Variants in REPS2 observed in about 807,000 individuals in gnomAD.
REPS2 encodes the protein ralBP1-associated Eps domain-containing protein 2.
In REPS2, 23 loss-of-function variants were observed where a neutral mutation model predicts 53.6. The observed-to-expected ratio is 0.43, with a 90% CI of 0.31 to 0.61. The LOEUF is 0.61. Ranked by LOEUF, REPS2 falls within the 20% of genes least tolerant of loss-of-function variation. The pLI, the probability that REPS2 is intolerant of heterozygous loss-of-function variation, is 0.11. For synonymous variants in REPS2, 238 were observed against 218.6 expected (o/e 1.09, Z -0.78); for missense variants, 446 against 534.9 (o/e 0.83, Z 1.64).
At chrX:17,076,591 A>T (rs1483782549) in intron 12 of REPS2, among the ~76,000 whole-genome samples, 1 of 112,415 alleles carries the variant, frequency 8.9e-6, no homozygotes, top group Admixed American at 9.4e-5. Context: ...GTAACTTTCT[A>T]TCTGACCTTT....
At chrX:17,080,349 C>T (rs1303270490) in intron 13 of REPS2, among the ~76,000 whole-genome samples, 1 of 107,970 alleles carries the variant, frequency 9.3e-6, no homozygotes, top group Non-Finnish European at 1.9e-5. Flanking sequence ...CTTCATACCC[C>T]TCTGTTTCTC....
intron 10 of REPS2, among the ~76,000 whole-genome samples, 169 bp from the exon 11 acceptor site, chrX:17,069,771 T>A (rs1435560347): frequency 8.9e-6 from 1 of 112,086 alleles, no homozygotes; most frequent in East Asian, 2.8e-4. Flanking sequence ...GTCTTTATTG[T>A]TTTAGTAAAT....
intron 11 of REPS2, among the ~76,000 whole-genome samples, chrX:17,072,263 A>T (rs2062317517): frequency 8.9e-6 from 1 of 112,523 alleles, no homozygotes; most frequent in Non-Finnish European, 1.9e-5. Flanking sequence ...TGCAATTCTA[A>T]AGTACGTTCA....
At chrX:16,972,217 A>G (rs1330507838) in intron 1 of REPS2, among the ~76,000 whole-genome samples, 1 of 112,305 alleles carries the variant, frequency 8.9e-6, no homozygotes, top group African/African-American at 3.2e-5. Context: ...GTGCTGTATC[A>G]CCAAATGCTG....
At chrX:17,100,376 G>A (rs1179527824) in intron 13 of REPS2, 2 of 449,625 alleles carry the variant, frequency 4.4e-6, no homozygotes, top group East Asian at 3.6e-5. Flanking sequence ...GAAAGGAATC[G>A]GTGCTGCGCT....
chrX:17,020,875 C>T (rs2061566453), intron 2 of REPS2, among the ~76,000 whole-genome samples: 1 of 111,425 alleles, frequency 9.0e-6, no homozygotes, highest in Non-Finnish European at 1.9e-5. Context: ...AGGAGGTCCA[C>T]CCGCCTCCGC....
chrX:16,987,215 G>A (rs1030432174), intron 1 of REPS2, among the ~76,000 whole-genome samples: 10 of 111,097 alleles, frequency 9.0e-5, no homozygotes, highest in Non-Finnish European at 1.7e-4. Flanking sequence ...GATTACAGGT[G>A]TAAACCACCA....
intron 14 of REPS2, among the ~76,000 whole-genome samples, chrX:17,128,150 C>T (rs1208097277): frequency 1.5e-4 from 1 of 6,667 alleles, no homozygotes; most frequent in Non-Finnish European, 2.4e-4. Context: ...GAAGCAGAAC[C>T]CTGAGATGAG....
rs139689067 is a variant in REPS2, at chrX:17,135,892, A to T, written c.1808+486A>T. 9.6e-3 allele frequency: 1,095 copies of T among 114,392 alleles called. 8 individuals are homozygous for T. Among genetic ancestry groups the T allele is most frequent in the Middle Eastern group, 0.018 (4 of 226 alleles). The allele number at this position is 114,392 out of a possible 1,213,427, so 9.4% of individuals were successfully genotyped here. On this transcript the variant is annotated intron_variant, in intron 16 of 17. Coordinates refer to ENST00000357277, the MANE Select transcript of REPS2 (RefSeq NM_004726.3). ...CTGTTGTTGGTCGCCTCAGCACAGA[A>T]TGGATACATGCAGAACTTCCATTAT...
In REPS2 at chrX:17,089,799, T is replaced by C. The variant is rs2062590997; in HGVS notation, c.1516+12392T>C. On this transcript the variant is annotated intron_variant, in intron 13 of 17. Transcript: ENST00000357277. ...TCTTCAGTTTGACAGACATTTGAGT[T>C]GTTTCTGCTTTTTGTCTGTTATGAA... 2.7e-5 allele frequency among the ~76,000 whole-genome samples: 3 copies of C among 112,378 alleles called. No individual in the cohort carries two copies. In the South Asian group the frequency reaches 1.1e-3, roughly 41 times the overall value.
intron 3 of REPS2, among the ~76,000 whole-genome samples, chrX:17,024,222 GGCTGCAGTGA>G (rs2061609755): frequency 9.1e-6 from 1 of 110,420 alleles, no homozygotes; most frequent in African/African-American, 3.3e-5. Flanking sequence ...AGGAAGTCAA[GGCTGCAGTGA>G]GCTATGATCA....
In REPS2 at chrX:16,953,303, A is replaced by G. The variant is rs970855529; in HGVS notation, c.273+6169A>G. On this transcript the variant is annotated intron_variant, in intron 1 of 17. Transcript: ENST00000357277. ...ACCTCTGCATAATAGTTACTTGTTG[A>G]CTCTTTTGTAATAAAATATTTCAGG... Among the ~76,000 whole-genome samples the G allele has an allele frequency of 2.7e-5, 3 of 111,395 alleles. No homozygotes were observed. In the Admixed American group the frequency reaches 2.9e-4, roughly 11 times the overall value.
At chrX:17,050,141 C>CCTTCCTTCCTTCCTTTCTTTCTTTCTTT (rs1555926667) in intron 6 of REPS2, among the ~76,000 whole-genome samples, 3 of 20,386 alleles carry the variant, frequency 1.5e-4, no homozygotes, top group Non-Finnish European at 1.8e-4. Context: ...TTCCTTTCTT[C>CCTTCCTTCCTTCCTTTCTTTCTTTCTTT]CTTTCTTTCT....
At chrX:17,124,153 G>A (rs1365893627) in intron 14 of REPS2, among the ~76,000 whole-genome samples, 1 of 112,362 alleles carries the variant, frequency 8.9e-6, no homozygotes. Flanking sequence ...TGACTCCAGA[G>A]CCTATATCCT....
At chrX:17,078,496 G>T (rs1243878163) in intron 13 of REPS2, among the ~76,000 whole-genome samples, 3 of 111,807 alleles carry the variant, frequency 2.7e-5, no homozygotes, top group Non-Finnish European at 5.6e-5. Flanking sequence ...ACAAAAATTT[G>T]CCTTGAATTT....
chrX:17,165,310 C>A, the REPS2 span, among the ~76,000 whole-genome samples: 1 of 111,792 alleles, frequency 8.9e-6, no homozygotes, highest in Non-Finnish European at 1.9e-5. Context: ...ACTAAGGGAA[C>A]CTGGACCTTT....
intron 13 of REPS2, among the ~76,000 whole-genome samples, chrX:17,092,976 T>C (rs776144962): frequency 3.9e-5 from 4 of 102,941 alleles, no homozygotes; most frequent in Admixed American, 1.1e-4. Context: ...TCAACCACTG[T>C]GTGAGTACCT....
At chrX:17,054,710 C>A in intron 7 of REPS2, 98 bp from the exon 8 acceptor site, 1 of 915,784 alleles carries the variant, frequency 1.1e-6, no homozygotes, top group Non-Finnish European at 1.5e-6. Flanking sequence ...CTGGTAGGGC[C>A]ATCACCACAG....
intron 1 of REPS2, among the ~76,000 whole-genome samples, chrX:16,950,278 C>G (rs558365565): frequency 9.0e-6 from 1 of 111,651 alleles, no homozygotes; most frequent in Admixed American, 9.5e-5. Flanking sequence ...TATTTATTCA[C>G]CTACTGAAGG....
Sources: gnomAD v4.1 joint callset for allele counts (sites outside exome capture counted in the v4.1 genomes callset) on GRCh38, gnomAD v4.1.1 for gene constraint, MANE v1.5 for transcripts, NCBI Gene and HGNC (gene_info 2026-07-23, HGNC 2026-07-21) for gene names.